PTPRD: variants seen among roughly 807,000 people sequenced by gnomAD.
PTPRD encodes the protein receptor-type tyrosine-protein phosphatase delta.
Under a neutral mutation model 214.5 loss-of-function variants are expected in PTPRD, and 34 were observed. That is an observed-to-expected ratio of 0.16 (90% CI 0.12 to 0.21). The LOEUF (loss-of-function observed/expected upper bound fraction) is 0.21, where lower values mean the gene tolerates loss of function less well. Ranked by LOEUF, PTPRD falls within the 10% of genes least tolerant of loss-of-function variation. The pLI is 1.00. For missense variants in PTPRD, 2,545 were observed against 2,398.7 expected, an observed-to-expected ratio of 1.06 and a Z score of -1.27; for synonymous variants, 1,128 against 845.7, an observed-to-expected ratio of 1.33 and a Z score of -5.79.
At chr9:8,504,472 T>A in intron 22 of PTPRD, 67 bp from the exon 23 acceptor site, 1 of 1,532,514 alleles carries the variant, frequency 6.5e-7, no homozygotes. Flanking sequence ...AATCATACTG[T>A]CTGGACCATC....
intron 12 of PTPRD, among the ~76,000 whole-genome samples, chr9:8,682,413 C>T (rs765139488): frequency 7.0e-6 from 1 of 143,882 alleles, no homozygotes; most frequent in African/African-American, 2.7e-5. Flanking sequence ...TGGGGGGATA[C>T]ATATCCAAAT....
intron 8 of PTPRD, among the ~76,000 whole-genome samples, chr9:9,573,419 A>G (rs529286741): frequency 1.1e-3 from 167 of 151,416 alleles, no homozygotes; most frequent in African/African-American, 3.7e-3. Flanking sequence ...CTTTTTTTAA[A>G]AAAAAAAAAC....
At chr9:9,348,119 T>C (rs1207613886) in intron 9 of PTPRD, among the ~76,000 whole-genome samples, 2 of 152,170 alleles carry the variant, frequency 1.3e-5, no homozygotes, top group Non-Finnish European at 1.5e-5. Context: ...ATTCTTTCAA[T>C]GTTCCCACCA....
At chr9:9,008,378 C>T (rs192718609) in intron 11 of PTPRD, among the ~76,000 whole-genome samples, 10,280 of 151,872 alleles carry the variant, frequency 0.068, 480 homozygotes, top group Non-Finnish European at 0.096. Context: ...CAGGCTCCCG[C>T]CACCACACCC....
intron 3 of PTPRD, among the ~76,000 whole-genome samples, chr9:10,227,862 T>A (rs2099594272): frequency 6.6e-6 from 1 of 151,908 alleles, no homozygotes. Flanking sequence ...ATTTGCTTTG[T>A]CCGGCCCTAC....
chr9:8,749,996 G>A (rs1002767273), intron 11 of PTPRD, among the ~76,000 whole-genome samples: 23 of 151,594 alleles, frequency 1.5e-4, no homozygotes, highest in Non-Finnish European at 2.4e-4. Flanking sequence ...CCAGCTCCTC[G>A]GGAAGCTGAG....
At chr9:9,322,681 G>C (rs1164347755) in intron 9 of PTPRD, among the ~76,000 whole-genome samples, 1 of 152,120 alleles carries the variant, frequency 6.6e-6, no homozygotes, top group Non-Finnish European at 1.5e-5. Flanking sequence ...AATGCTACAG[G>C]AACACTCTAG....
chr9:9,389,845 A>G (rs941122523), intron 9 of PTPRD, among the ~76,000 whole-genome samples: 1 of 152,198 alleles, frequency 6.6e-6, no homozygotes, highest in Non-Finnish European at 1.5e-5. Context: ...ACAGGAGGGG[A>G]TATTCTAAAC....
chr9:9,839,245 A>G (rs1338714470), intron 5 of PTPRD, among the ~76,000 whole-genome samples: 2 of 152,114 alleles, frequency 1.3e-5, no homozygotes, highest in Non-Finnish European at 2.9e-5. Flanking sequence ...TCAATTAGGA[A>G]AAGAGGAAGT....
intron 14 of PTPRD, among the ~76,000 whole-genome samples, chr9:8,600,680 T>C (rs1332346435): frequency 2.6e-5 from 4 of 151,646 alleles, no homozygotes; most frequent in African/African-American, 9.7e-5. Context: ...CCTGCTGCCT[T>C]GTAGCAAAGG....
intron 10 of PTPRD, among the ~76,000 whole-genome samples, chr9:9,144,795 C>T (rs1379144705): frequency 5.3e-5 from 8 of 151,624 alleles, no homozygotes; most frequent in African/African-American, 7.3e-5. Context: ...ACACAAAAAC[C>T]CAAAAAACAA....
At position 9,021,875 on chromosome 9, in the gene PTPRD, G is replaced by A. The variant is rs2099570992; in HGVS notation, c.-142-3140C>T. On this transcript the variant is annotated intron_variant, in intron 10 of 45. Coordinates refer to ENST00000381196, the MANE Select transcript of PTPRD (RefSeq NM_002839.4). ...TTAAGCTAAGTGTTATTACAAAAGAGTCAAAAAGTTTTAAAAAGTTTCTAA... is the reference window on the plus strand; with the variant it reads ...TTAAGCTAAGTGTTATTACAAAAGAATCAAAAAGTTTTAAAAAGTTTCTAA... Among the ~76,000 whole-genome samples the A allele has an allele frequency of 2.0e-5, 3 of 151,622 alleles. No homozygotes were observed. The South Asian group carries it at 6.2e-4, about 32-fold the overall frequency.
At chr9:9,623,104 A>G (rs2095303760) in intron 7 of PTPRD, among the ~76,000 whole-genome samples, 1 of 152,218 alleles carries the variant, frequency 6.6e-6, no homozygotes, top group Non-Finnish European at 1.5e-5. Flanking sequence ...TAAATCCTTT[A>G]TTACTTGCAT....
intron 11 of PTPRD, among the ~76,000 whole-genome samples, chr9:8,804,021 T>G (rs2096624526): frequency 6.6e-6 from 1 of 152,000 alleles, no homozygotes; most frequent in South Asian, 2.1e-4. Context: ...GGTGCAATCT[T>G]GGCTCACTGC....
chr9:8,343,926 G>A (rs1428835730), intron 39 of PTPRD, among the ~76,000 whole-genome samples: 1 of 152,016 alleles, frequency 6.6e-6, no homozygotes, highest in Non-Finnish European at 1.5e-5. Context: ...TTTGACAAGG[G>A]TTTGGAATTA....
chr9:9,787,636 C>T (rs1306457869), intron 5 of PTPRD, among the ~76,000 whole-genome samples: 1 of 151,632 alleles, frequency 6.6e-6, no homozygotes, highest in Non-Finnish European at 1.5e-5. Context: ...TTGGGACACC[C>T]AATAAGGTGG....
At chr9:9,169,742 G>C (rs142737640) in intron 10 of PTPRD, among the ~76,000 whole-genome samples, 1 of 152,218 alleles carries the variant, frequency 6.6e-6, no homozygotes, top group East Asian at 1.9e-4. Flanking sequence ...GGAAATTTCA[G>C]GTTAAACACA....
intron 3 of PTPRD, among the ~76,000 whole-genome samples, chr9:10,258,089 C>T (rs1273971590): frequency 6.6e-6 from 1 of 152,122 alleles, no homozygotes; most frequent in Non-Finnish European, 1.5e-5. Context: ...TTAATTCTAG[C>T]CATCCTTCAG....
At chr9:8,620,801 T>A (rs1266999506) in intron 14 of PTPRD, among the ~76,000 whole-genome samples, 1 of 151,990 alleles carries the variant, frequency 6.6e-6, no homozygotes, top group Non-Finnish European at 1.5e-5. Flanking sequence ...CAAGTCTATA[T>A]TAAGCCATGG....
Sources: allele counts gnomAD v4.1 joint callset (sites outside exome capture counted in the v4.1 genomes callset), GRCh38; gene constraint gnomAD v4.1.1; transcripts MANE v1.5; gene names NCBI Gene and HGNC (gene_info 2026-07-23, HGNC 2026-07-21).